Variants in LEPR observed in about 807,000 individuals in gnomAD.
LEPR encodes the protein OB receptor.
A neutral mutation model predicts 114.7 loss-of-function variants in LEPR; 56 were observed. That is an observed-to-expected ratio of 0.49 (90% CI 0.39 to 0.61). The LOEUF is 0.61. Ranked by LOEUF, LEPR falls within the 20% of genes least tolerant of loss-of-function variation. The pLI is 0.00. For missense variants in LEPR, 1,202 were observed against 1,352.9 expected (o/e 0.89, Z 1.75); for synonymous variants, 443 against 461.4 (o/e 0.96, Z 0.51).
At chr1:65,537,423 C>T (rs903072277) in intron 2 of LEPR, among the ~76,000 whole-genome samples, 1 of 152,124 alleles carries the variant, frequency 6.6e-6, no homozygotes, top group Non-Finnish European at 1.5e-5. Context: ...AGTCCTTCTT[C>T]CTCTAGGGCT....
Position 65,450,590 on chromosome 1 carries a change from T to C in LEPR, c.-21+25212T>C, listed in dbSNP as rs1219905977. Among the ~76,000 whole-genome samples, 5 of 136,504 alleles carry C rather than the reference T, an allele frequency of 3.7e-5. No homozygotes were observed. The Admixed American group carries it at 3.8e-4, about 10-fold the overall frequency. 89.6% of individuals were successfully genotyped at this position (136,504 alleles called of 152,430 possible). On this transcript the variant is annotated intron_variant, in intron 2 of 19. Transcript: ENST00000349533. ...TGATTTCCAATTTCATCCATGTCCC[T>C]ACAAAGGACATGAACTCATCATTTT...
chr1:65,621,250 G>C (rs1376342591), intron 17 of LEPR, 103 bp from the exon 18 acceptor site: 2 of 920,080 alleles, frequency 2.2e-6, no homozygotes, highest in African/African-American at 3.3e-5. Flanking sequence ...GGTAATAAGA[G>C]ATTTGTGATG....
At chr1:65,626,006 T>A (rs1570851645) in intron 19 of LEPR, 1 of 865,438 alleles carries the variant, frequency 1.2e-6, no homozygotes. Context: ...CTCTGAAATC[T>A]TACCTATGGA....
intron 3 of LEPR, among the ~76,000 whole-genome samples, chr1:65,568,686 A>G (rs899403242): frequency 2.6e-5 from 4 of 152,098 alleles, no homozygotes; most frequent in Non-Finnish European, 5.9e-5. Context: ...TTGAGTAGAT[A>G]CTTAGTAGTG....
chr1:65,432,439 A>T, intron 2 of LEPR: 1 of 679,434 alleles, frequency 1.5e-6, no homozygotes, highest in Non-Finnish European at 1.8e-6. Context: ...GATGAGATCC[A>T]AAGGAGTTGT....
intron 2 of LEPR, among the ~76,000 whole-genome samples, chr1:65,553,591 T>C (rs961962940): frequency 6.6e-6 from 1 of 152,130 alleles, no homozygotes; most frequent in Non-Finnish European, 1.5e-5. Flanking sequence ...TTCTATATAC[T>C]GGTTTTTCTA....
In LEPR at chr1:65,616,712, T is replaced by C. The variant is rs1657547838; in HGVS notation, c.2212+488T>C. Among the ~76,000 whole-genome samples the C allele has an allele frequency of 3.9e-5, 6 of 152,142 alleles. 1 individual carries two copies. In the South Asian group the frequency reaches 1.2e-3, roughly 31 times the overall value. On this transcript the variant is annotated intron_variant, in intron 15 of 19. Transcript: ENST00000349533. ...TAAAATTACTATGGACTTCATTGAA[T>C]GTGAGTAGCAAACCTTCTTGCATTA...
chr1:65,568,351 C>T (rs1034462669), intron 3 of LEPR, among the ~76,000 whole-genome samples: 3 of 152,102 alleles, frequency 2.0e-5, no homozygotes, highest in Non-Finnish European at 2.9e-5. Flanking sequence ...ACTTTGTGTA[C>T]AATACTACTT....
At chr1:65,557,985 G>A (rs554316600) in intron 2 of LEPR, among the ~76,000 whole-genome samples, 17 of 152,284 alleles carry the variant, frequency 1.1e-4, no homozygotes, top group South Asian at 6.2e-4. Context: ...AAGGAAAACT[G>A]CTGATCTATT....
chr1:65,516,848 A>G (rs1649311971), intron 2 of LEPR, among the ~76,000 whole-genome samples: 1 of 152,154 alleles, frequency 6.6e-6, no homozygotes, highest in African/African-American at 2.4e-5. Flanking sequence ...CTCTGTACCC[A>G]TTTCATAAAG....
At chr1:65,548,067 C>G (rs1418901975) in intron 2 of LEPR, among the ~76,000 whole-genome samples, 1 of 151,612 alleles carries the variant, frequency 6.6e-6, no homozygotes, top group Non-Finnish European at 1.5e-5. Context: ...CGTTATGTAC[C>G]CAGTAGTCAT....
intron 19 of LEPR, among the ~76,000 whole-genome samples, chr1:65,624,023 T>A (rs1415095255): frequency 1.3e-5 from 2 of 152,182 alleles, no homozygotes; most frequent in African/African-American, 2.4e-5. Context: ...ACTGTTTTTT[T>A]AATTGTGGAT....
chr1:65,517,316 T>G (rs1056404224), intron 2 of LEPR, among the ~76,000 whole-genome samples: 1 of 152,238 alleles, frequency 6.6e-6, no homozygotes, highest in African/African-American at 2.4e-5. Context: ...CTTTGACTGC[T>G]TAACTGAGCT....
intron 2 of LEPR, among the ~76,000 whole-genome samples, chr1:65,464,976 T>C (rs1244215292): frequency 6.6e-6 from 1 of 152,216 alleles, no homozygotes; most frequent in Non-Finnish European, 1.5e-5. Flanking sequence ...AAAATCCAAC[T>C]CCTGGATTCA....
At chr1:65,530,653 G>A (rs1317492720) in intron 2 of LEPR, among the ~76,000 whole-genome samples, 4 of 152,108 alleles carry the variant, frequency 2.6e-5, no homozygotes, top group African/African-American at 7.2e-5. Context: ...CGTCACTCTC[G>A]TCATCATCTT....
chr1:65,552,676 CAGT>C (rs1348676403), intron 2 of LEPR, among the ~76,000 whole-genome samples: 4 of 152,118 alleles, frequency 2.6e-5, no homozygotes, highest in African/African-American at 9.7e-5. Context: ...TCCAATTTGG[CAGT>C]CTGTGTCTTT....
chr1:65,636,544 C>T lies in LEPR; in HGVS notation c.3027C>T (p.Val1009=). Residue 1009 remains valine, a synonymous_variant, in exon 20 of 20, where the codon GTC becomes GTT. Transcript: ENST00000349533. ...AACAAGGGCTTATAAATAGTTCAGTCACCAAGTGCTTCTCTAGCAAAAATT... is the reference window on the plus strand; with the variant it reads ...AACAAGGGCTTATAAATAGTTCAGTTACCAAGTGCTTCTCTAGCAAAAATT... The part of the protein sequence containing the change: ...GEEQGLINSS[V]TKCFSSKNSP... The T allele has an allele frequency of 3.1e-6, 5 of 1,614,060 alleles. No individual in the cohort carries two copies. Among genetic ancestry groups the T allele is most frequent in the Non-Finnish European group, 4.2e-6 (5 of 1,179,980 alleles).
chr1:65,435,655 C>T, intron 2 of LEPR: 2 of 984,982 alleles, frequency 2.0e-6, no homozygotes, highest in Non-Finnish European at 1.2e-6. Flanking sequence ...GCCTGAGCCA[C>T]TGTGCCCAGC....
chr1:65,526,142 C>CTG, intron 2 of LEPR: 4 of 951,008 alleles, frequency 4.2e-6, no homozygotes, highest in Non-Finnish European at 4.9e-6. Context: ...AACTTCTTTT[C>CTG]CAGGCTTCGT....
Sources: allele counts gnomAD v4.1 joint callset (sites outside exome capture counted in the v4.1 genomes callset), GRCh38; gene constraint gnomAD v4.1.1; transcripts MANE v1.5; gene names NCBI Gene and HGNC (gene_info 2026-07-23, HGNC 2026-07-21).